The following GLI2 variants were observed in gnomAD, a reference collection of about 807,000 sequenced individuals.
The protein encoded by GLI2 is transcription activator GLI2.
A neutral mutation model predicts 78.9 loss-of-function variants in GLI2; 22 were observed. The observed-to-expected ratio is 0.28, with a 90% CI of 0.20 to 0.40. The LOEUF is 0.40. GLI2 is among the 10% of genes least tolerant of loss of function. The pLI is 1.00. For missense variants in GLI2, 2,097 were observed against 2,213.2 expected (o/e 0.95, Z 1.05); for synonymous variants, 974 against 963.7 (o/e 1.01, Z -0.20).
intron 2 of GLI2, among the ~76,000 whole-genome samples, chr2:120,801,956 A>T (rs1255992280): frequency 2.6e-5 from 4 of 152,120 alleles, no homozygotes; most frequent in Non-Finnish European, 5.9e-5. Flanking sequence ...TTGCTGTTAG[A>T]CTTGGGCCTT....
intron 2 of GLI2, among the ~76,000 whole-genome samples, chr2:120,881,397 G>A (rs1677112162): frequency 6.6e-6 from 1 of 150,796 alleles, no homozygotes; most frequent in South Asian, 2.1e-4. Context: ...AGGGCAGGTG[G>A]GGGGAGGACA....
chr2:120,963,565 G>A lies in GLI2; in HGVS notation c.644-5149G>A, dbSNP rs535656774. ...GGTGTTTGTGTGTGTGTCCACCTGG[G>A]GTGTGTGTGTATGTGTCCACCTGGG... On this transcript the variant is annotated intron_variant, in intron 5 of 13. Transcript: ENST00000361492. Among the ~76,000 whole-genome samples the A allele has an allele frequency of 4.6e-5, 7 of 151,782 alleles. No homozygotes were observed. In the South Asian group the frequency reaches 1.5e-3, roughly 32 times the overall value.
intron 5 of GLI2, among the ~76,000 whole-genome samples, chr2:120,959,357 G>A (rs1245966804): frequency 6.6e-6 from 1 of 152,148 alleles, no homozygotes; most frequent in Non-Finnish European, 1.5e-5. Context: ...GTATGGGGTG[G>A]GGGTGGGAGC....
chr2:120,980,268 A>C (rs1003988151), intron 10 of GLI2, among the ~76,000 whole-genome samples: 1 of 152,140 alleles, frequency 6.6e-6, no homozygotes, highest in African/African-American at 2.4e-5. Flanking sequence ...GAGGGTTCTG[A>C]TTTCTCCAAA....
intron 5 of GLI2, among the ~76,000 whole-genome samples, chr2:120,964,451 G>A (rs955931682): frequency 6.6e-6 from 1 of 152,258 alleles, no homozygotes; most frequent in Non-Finnish European, 1.5e-5. Context: ...GGATTGGACA[G>A]CTGTTAGCTG....
Position 120,989,218 on chromosome 2 carries a change from C to A in GLI2, c.3253C>A (p.Pro1085Thr). ...CTCTGACAACCCCAGACTACCCAGC[C>A]CGGGGCTGCACGGCCAGCGCAGGAT... is the stretch of plus-strand genomic sequence containing the variant. ...GFSDNPRLPS[P>T]GLHGQRRMVA... is the part of the protein sequence containing the mutation. Residue 1085 changes from proline (P) to threonine (T), a missense_variant, in exon 14 of 14, where the codon CCG becomes ACG. Physicochemically the swap from Pro to Thr is conservative, Grantham distance 38 (BLOSUM62 -1). This residue lies in a region of GLI2 where 1,290 missense variants were observed against 1,261.7 expected (regional missense o/e 1.02). Transcript: ENST00000361492. 1 of 1,613,198 alleles carries A rather than the reference C, an allele frequency of 6.2e-7. No homozygotes were observed. The highest frequency in any genetic ancestry group is 8.5e-7 in the Non-Finnish European group (1 of 1,180,024).
chr2:120,859,546 C>T (rs1033732164), intron 2 of GLI2, among the ~76,000 whole-genome samples: 1 of 151,274 alleles, frequency 6.6e-6, no homozygotes, highest in African/African-American at 2.4e-5. Flanking sequence ...CCTCTGCCTC[C>T]CGGGTTCAAG....
At position 120,946,512 on chromosome 2, in the gene GLI2, G is replaced by A. The variant is rs574418809; in HGVS notation, c.255-4731G>A. ...AGCTCCTCCTCCCATCCTGAAGGGC[G>A]TCTCTTTGAGTCTCTGCCTAGCTGT... On this transcript the variant is annotated intron_variant, in intron 3 of 13. Coordinates refer to ENST00000361492, the MANE Select transcript of GLI2 (RefSeq NM_001374353.1). 7.9e-5 allele frequency among the ~76,000 whole-genome samples: 12 copies of A among 152,282 alleles called. No individual in the cohort carries two copies. In the South Asian group the frequency reaches 1.5e-3, roughly 18 times the overall value.
intron 3 of GLI2, among the ~76,000 whole-genome samples, chr2:120,943,394 G>A (rs1200820457): frequency 2.0e-5 from 3 of 152,328 alleles, no homozygotes; most frequent in Middle Eastern, 3.4e-3. Flanking sequence ...GACACAGAGG[G>A]GAGAGGCAGG....
At chr2:120,904,866 G>A (rs1003746395) in intron 2 of GLI2, among the ~76,000 whole-genome samples, 1 of 152,200 alleles carries the variant, frequency 6.6e-6, no homozygotes, top group Non-Finnish European at 1.5e-5. Flanking sequence ...TGGCCCCTGT[G>A]CTTCGGCCTC....
intron 2 of GLI2, among the ~76,000 whole-genome samples, chr2:120,852,015 C>T (rs552623425): frequency 9.9e-5 from 15 of 152,266 alleles, no homozygotes; most frequent in African/African-American, 3.4e-4. Flanking sequence ...GAGAAATACA[C>T]CAGTCAATTG....
chr2:120,830,985 T>A (rs1451198263), intron 2 of GLI2, among the ~76,000 whole-genome samples: 2 of 9,584 alleles, frequency 2.1e-4, no homozygotes, highest in African/African-American at 6.2e-4. Context: ...CTCTGTCTCT[T>A]TTTTTTTTTT....
chr2:120,739,139 T>C (rs1682453191), intron 1 of GLI2, among the ~76,000 whole-genome samples: 2 of 152,134 alleles, frequency 1.3e-5, no homozygotes, highest in Admixed American at 1.3e-4. Context: ...ACACAAATAC[T>C]TCACGCTTTT....
chr2:120,848,083 T>C (rs1687208497), intron 2 of GLI2, among the ~76,000 whole-genome samples: 1 of 152,196 alleles, frequency 6.6e-6, no homozygotes. Context: ...GCATGAATAA[T>C]GCAGGCTGCA....
intron 2 of GLI2, among the ~76,000 whole-genome samples, chr2:120,881,697 G>T: frequency 1.6e-5 from 1 of 62,506 alleles, no homozygotes; most frequent in African/African-American, 6.7e-5. Context: ...AGGATAGTCG[G>T]GAGGACAGTG....
chr2:120,817,707 A>G (rs888172210), intron 2 of GLI2, among the ~76,000 whole-genome samples: 1 of 152,038 alleles, frequency 6.6e-6, no homozygotes, highest in Non-Finnish European at 1.5e-5. Context: ...CATCAGCTCC[A>G]ACTGCTCATC....
chr2:120,877,490 A>G (rs979966444), intron 2 of GLI2, among the ~76,000 whole-genome samples: 1 of 152,176 alleles, frequency 6.6e-6, no homozygotes. Context: ...GACCATGACC[A>G]TGAGCCGAAG....
intron 2 of GLI2, among the ~76,000 whole-genome samples, chr2:120,828,401 A>G (rs1316237788): frequency 6.6e-6 from 1 of 152,262 alleles, no homozygotes; most frequent in East Asian, 1.9e-4. Flanking sequence ...CCTGTGGAAA[A>G]TATGTTGGTT....
chr2:120,856,969 A>G (rs13025031), intron 2 of GLI2, among the ~76,000 whole-genome samples: 23,135 of 152,060 alleles, frequency 0.15, 1,816 homozygotes, highest in Non-Finnish European at 0.16. Context: ...GGCAGGCAGA[A>G]ATAATAAAGG....
Sources: gnomAD v4.1 joint callset for allele counts (sites outside exome capture counted in the v4.1 genomes callset) on GRCh38, gnomAD v4.1.1 for gene constraint, gnomAD v4.1.1 regional missense constraint, MANE v1.5 for transcripts, NCBI Gene and HGNC (gene_info 2026-07-23, HGNC 2026-07-21) for gene names.